The following ELOVL6 variants were observed in gnomAD, a reference collection of about 807,000 sequenced individuals.
ELOVL6 encodes the protein ELOVL fatty acid elongase 6, also known as very long chain fatty acid elongase 6.
Under a neutral mutation model 31.7 loss-of-function variants are expected in ELOVL6, and 8 were observed. The ratio of observed to expected loss-of-function variants is 0.25; its 90% CI spans 0.15 to 0.45. The LOEUF is 0.45. ELOVL6 is among the 20% of genes least tolerant of loss of function. ELOVL6 has a pLI of 1.00. For missense variants in ELOVL6, 126 were observed against 326.4 expected (o/e 0.39, Z 4.73); for synonymous variants, 101 against 117.7 (o/e 0.86, Z 0.92).
At chr4:110,119,936 T>G (rs1325756424) in intron 1 of ELOVL6, among the ~76,000 whole-genome samples, 1 of 152,206 alleles carries the variant, frequency 6.6e-6, no homozygotes, top group Non-Finnish European at 1.5e-5. Context: ...ATGGCTGGGA[T>G]TGATCAAGCA....
intron 1 of ELOVL6, among the ~76,000 whole-genome samples, chr4:110,190,879 G>A (rs1759595653): frequency 6.6e-6 from 1 of 151,654 alleles, no homozygotes; most frequent in African/African-American, 2.4e-5. Flanking sequence ...CATTGCAGTG[G>A]CATAATCTCA....
At chr4:110,119,282 T>C (rs1757274327) in intron 1 of ELOVL6, among the ~76,000 whole-genome samples, 1 of 151,336 alleles carries the variant, frequency 6.6e-6, no homozygotes, top group South Asian at 2.1e-4. Context: ...GGTGACAGAG[T>C]GCGTCTCCAT....
At chr4:110,124,895 A>G (rs896696069) in intron 1 of ELOVL6, among the ~76,000 whole-genome samples, 4 of 152,188 alleles carry the variant, frequency 2.6e-5, no homozygotes, top group Non-Finnish European at 5.9e-5. Flanking sequence ...CCAAGTTGCA[A>G]AAAAGTATAA....
intron 2 of ELOVL6, among the ~76,000 whole-genome samples, chr4:110,095,604 G>T (rs1160922588): frequency 6.6e-6 from 1 of 152,140 alleles, no homozygotes; most frequent in South Asian, 2.1e-4. Context: ...GGTAAAAGGT[G>T]AGTCAAGGCA....
chr4:110,130,198 C>G (rs1035691920), intron 1 of ELOVL6, among the ~76,000 whole-genome samples: 2 of 151,846 alleles, frequency 1.3e-5, no homozygotes, highest in Admixed American at 1.3e-4. Flanking sequence ...GCCTGGCCAC[C>G]CAACACAATC....
chr4:110,168,982 G>C (rs917201061), intron 1 of ELOVL6, among the ~76,000 whole-genome samples: 3 of 152,034 alleles, frequency 2.0e-5, no homozygotes, highest in Non-Finnish European at 2.9e-5. Flanking sequence ...TTTTCTTTGA[G>C]AAAGGGTCTC....
chr4:110,140,451 T>A (rs1425414085), intron 1 of ELOVL6, among the ~76,000 whole-genome samples: 1 of 152,048 alleles, frequency 6.6e-6, no homozygotes, highest in Non-Finnish European at 1.5e-5. Flanking sequence ...TATTTTGAGA[T>A]GGGGTCTTAC....
intron 1 of ELOVL6, among the ~76,000 whole-genome samples, chr4:110,158,980 T>C (rs577111948): frequency 6.6e-6 from 1 of 152,144 alleles, no homozygotes; most frequent in South Asian, 2.1e-4. Flanking sequence ...GATTACTAAG[T>C]TAAACAAATA....
At chr4:110,167,673 G>A (rs1202071999) in intron 1 of ELOVL6, among the ~76,000 whole-genome samples, 1 of 146,958 alleles carries the variant, frequency 6.8e-6, no homozygotes, top group Non-Finnish European at 1.5e-5. Context: ...ATGTATGTAT[G>A]TATGTATGTA....
chr4:110,054,719 G>T (rs2126219976), intron 3 of ELOVL6, among the ~76,000 whole-genome samples: 1 of 152,258 alleles, frequency 6.6e-6, no homozygotes, highest in South Asian at 2.1e-4. Flanking sequence ...GTGTGGGATG[G>T]AAAGTGGAAG....
intron 1 of ELOVL6, among the ~76,000 whole-genome samples, chr4:110,128,107 T>C (rs1207506176): frequency 6.6e-6 from 1 of 151,646 alleles, no homozygotes; most frequent in African/African-American, 2.4e-5. Flanking sequence ...CCCCATCTTG[T>C]TGGGTCAGAG....
rs750861899 is a variant in ELOVL6 at position 110,119,643 on chromosome 4, T to A, written c.90-14015A>T. Among the ~76,000 whole-genome samples the A allele has an allele frequency of 1.2e-3, 177 of 152,338 alleles. 1 individual carries two copies. The highest frequency in any genetic ancestry group is 1.9e-3 in the Non-Finnish European group (127 of 68,036). ...GAAGACTTTTATCTATATATCTTTT[T>A]ACATCATTTCCCACAGACTTTCACT... On this transcript the variant is annotated intron_variant, in intron 1 of 3. Coordinates refer to ENST00000302274, the MANE Select transcript of ELOVL6 (RefSeq NM_024090.3).
intron 1 of ELOVL6, among the ~76,000 whole-genome samples, chr4:110,165,460 G>T (rs756911072): frequency 2.0e-5 from 3 of 152,142 alleles, no homozygotes; most frequent in Non-Finnish European, 4.4e-5. Context: ...AGGCCAGGCT[G>T]ATTCTCCTCT....
chr4:110,080,493 C>G (rs1249869146), intron 2 of ELOVL6, among the ~76,000 whole-genome samples: 1 of 152,216 alleles, frequency 6.6e-6, no homozygotes. Flanking sequence ...ACAAAAACCA[C>G]ATGATTATCT....
chr4:110,118,273 A>G (rs1484823491), intron 1 of ELOVL6, among the ~76,000 whole-genome samples: 1 of 151,916 alleles, frequency 6.6e-6, no homozygotes, highest in Admixed American at 6.6e-5. Context: ...TCTTAAATGA[A>G]TAGAACCAGA....
At chr4:110,076,916 A>G (rs1434369358) in intron 2 of ELOVL6, among the ~76,000 whole-genome samples, 1 of 152,230 alleles carries the variant, frequency 6.6e-6, no homozygotes, top group South Asian at 2.1e-4. Context: ...TGGTCTTAGC[A>G]AACGGCACAC....
rs368481333 is a variant in ELOVL6 at position 110,175,344 on chromosome 4, T to G, written c.89+22903A>C. Among the ~76,000 whole-genome samples the G allele has an allele frequency of 2.5e-4, 38 of 152,004 alleles. 1 individual carries two copies. The East Asian group carries it at 6.0e-3, about 24-fold the overall frequency. ...TTGCAGTGAGCCAACATTGCGCTAC[T>G]GCACTCCAGCCTGGGCAACAGAGCA... On this transcript the variant is annotated intron_variant, in intron 1 of 3. Coordinates refer to ENST00000302274, the MANE Select transcript of ELOVL6 (RefSeq NM_024090.3).
At chr4:110,089,276 A>T (rs1046386984) in intron 2 of ELOVL6, among the ~76,000 whole-genome samples, 3 of 152,328 alleles carry the variant, frequency 2.0e-5, no homozygotes, top group African/African-American at 7.2e-5. Context: ...ATATAACTAC[A>T]GTTGGCCTTC....
intron 1 of ELOVL6, among the ~76,000 whole-genome samples, chr4:110,113,083 C>G (rs1309998868): frequency 6.6e-6 from 1 of 151,780 alleles, no homozygotes; most frequent in African/African-American, 2.4e-5. Context: ...AAAAAATTAG[C>G]CAGGCGTGGT....
Sources: gnomAD v4.1 joint callset for allele counts (sites outside exome capture counted in the v4.1 genomes callset) on GRCh38, gnomAD v4.1.1 for gene constraint, MANE v1.5 for transcripts, NCBI Gene and HGNC (gene_info 2026-07-23, HGNC 2026-07-21) for gene names.